GABRA1: variants seen among roughly 807,000 people sequenced by gnomAD.
The protein encoded by GABRA1 is gamma-aminobutyric acid receptor subunit alpha-1.
Under a neutral mutation model 48.9 loss-of-function variants are expected in GABRA1, and 9 were observed. The ratio of observed to expected loss-of-function variants is 0.18; its 90% CI spans 0.11 to 0.32. GABRA1 has a LOEUF of 0.32. Ranked by LOEUF, GABRA1 falls within the 10% of genes least tolerant of loss-of-function variation. GABRA1 has a pLI of 1.00. For synonymous variants in GABRA1, 210 were observed against 198.7 expected, an observed-to-expected ratio of 1.06 and a Z score of -0.48; for missense variants, 285 against 553.8, an observed-to-expected ratio of 0.51 and a Z score of 4.87.
In GABRA1 at chr5:161,899,637, T is replaced by C. The variant is rs1755527993; in HGVS notation, c.*2215T>C. 6.6e-6 allele frequency: 1 copy of C among 152,174 alleles called. No individual in the cohort carries two copies. The highest frequency in any genetic ancestry group is 1.9e-4 in the East Asian group (1 of 5,198). 9.4% of individuals were successfully genotyped at this position (152,174 alleles called of 1,614,324 possible). On this transcript the variant is annotated 3_prime_UTR_variant, in exon 10 of 10. Transcript: ENST00000393943. Reference sequence around the variant, plus strand: ...TTCTACTGTATAAATGATTGCAAAGTTTATCAAAAACAAATTATTATATGT... The same window carrying C: ...TTCTACTGTATAAATGATTGCAAAGCTTATCAAAAACAAATTATTATATGT...
chr5:161,862,247 T>C (rs1349995496), intron 3 of GABRA1, among the ~76,000 whole-genome samples: 2 of 151,968 alleles, frequency 1.3e-5, no homozygotes, highest in East Asian at 3.9e-4. Context: ...TGCACAGGGC[T>C]CTTCAGATAT....
chr5:161,892,576 G>T (rs1013784357), intron 8 of GABRA1, among the ~76,000 whole-genome samples: 2 of 152,096 alleles, frequency 1.3e-5, no homozygotes, highest in Admixed American at 1.3e-4. Flanking sequence ...CCATTACCAC[G>T]TGTCGATATT....
At chr5:161,882,432 C>A in intron 6 of GABRA1, 126 bp from the exon 7 acceptor site, 1 of 883,592 alleles carries the variant, frequency 1.1e-6, no homozygotes, top group Non-Finnish European at 1.8e-6. Context: ...GGGACATAAG[C>A]TCATCTTTCC....
intron 8 of GABRA1, 26 bp from the exon 9 acceptor site, chr5:161,895,640 A>C: frequency 6.3e-7 from 1 of 1,588,706 alleles, no homozygotes; most frequent in Non-Finnish European, 8.6e-7. Flanking sequence ...AACTGGCATC[A>C]TGTATGTTTT....
At chr5:161,876,721 A>G (rs567660871) in intron 6 of GABRA1, among the ~76,000 whole-genome samples, 8 of 152,234 alleles carry the variant, frequency 5.3e-5, no homozygotes, top group Non-Finnish European at 8.8e-5. Context: ...TTCCCAATTT[A>G]ATATACATTC....
At chr5:161,848,861 GA>G in intron 1 of GABRA1, 1 of 413,686 alleles carries the variant, frequency 2.4e-6, no homozygotes, top group Non-Finnish European at 4.8e-6. Context: ...CGCTGGGACG[GA>G]AAACCTGTCT....
intron 4 of GABRA1, among the ~76,000 whole-genome samples, chr5:161,870,164 A>G (rs1274648074): frequency 6.6e-6 from 1 of 152,160 alleles, no homozygotes; most frequent in East Asian, 1.9e-4. Context: ...TAGCAAGCGT[A>G]AAATAATTAC....
rs1202447915 is a variant in GABRA1 at position 161,897,101 on chromosome 5, C to A, written c.1060-10C>A. 4.3e-6 allele frequency: 7 copies of A among 1,613,688 alleles called. No homozygotes were observed. The highest frequency in any genetic ancestry group is 5.9e-6 in the Non-Finnish European group (7 of 1,179,674). On this transcript the variant is annotated splice_polypyrimidine_tract_variant and intron_variant, in intron 9 of 9. Coordinates refer to ENST00000393943, the MANE Select transcript of GABRA1 (RefSeq NM_001127644.2). Reference sequence around the variant, plus strand: ...TACTAAACAAAATGCATTGCTCTTTCTTTCTACAGCCAAAGAAAGTAAAGG... The same window carrying A: ...TACTAAACAAAATGCATTGCTCTTTATTTCTACAGCCAAAGAAAGTAAAGG...
At chr5:161,853,050 A>G (rs1213428955) in intron 2 of GABRA1, among the ~76,000 whole-genome samples, 2 of 151,868 alleles carry the variant, frequency 1.3e-5, no homozygotes, top group African/African-American at 4.8e-5. Context: ...CTTAGTTTAC[A>G]CCCTATATTC....
intron 8 of GABRA1, 94 bp from the exon 9 acceptor site, chr5:161,895,572 C>T (rs1408694930): frequency 9.0e-7 from 1 of 1,112,010 alleles, no homozygotes; most frequent in African/African-American, 1.5e-5. Flanking sequence ...TGTCATGATA[C>T]TGTTGATTTC....
chr5:161,875,414 T>C, intron 5 of GABRA1, 146 bp from the exon 6 acceptor site: 1 of 690,734 alleles, frequency 1.4e-6, no homozygotes, highest in Non-Finnish European at 2.6e-6. Flanking sequence ...TATTTTTAGA[T>C]CATTTGATTA....
intron 7 of GABRA1, among the ~76,000 whole-genome samples, chr5:161,889,388 G>A (rs1262716190): frequency 6.6e-6 from 1 of 152,050 alleles, no homozygotes; most frequent in Non-Finnish European, 1.5e-5. Flanking sequence ...GAGAGTTTAA[G>A]TGACTTATCA....
chr5:161,882,313 C>A, intron 6 of GABRA1: 1 of 541,720 alleles, frequency 1.8e-6, no homozygotes, highest in East Asian at 3.3e-5. Context: ...TACTGTATCC[C>A]CAGCACAGTA....
intron 8 of GABRA1, among the ~76,000 whole-genome samples, chr5:161,893,938 A>G (rs1755240922): frequency 6.6e-6 from 1 of 152,200 alleles, no homozygotes; most frequent in Non-Finnish European, 1.5e-5. Context: ...CACAAATTGT[A>G]TCTTCATGTT....
chr5:161,849,866 G>C (rs1359278067), intron 1 of GABRA1, among the ~76,000 whole-genome samples: 1 of 152,104 alleles, frequency 6.6e-6, no homozygotes, highest in Non-Finnish European at 1.5e-5. Flanking sequence ...TAAGCTTTCT[G>C]TACTCTTCCA....
intron 4 of GABRA1, chr5:161,872,224 GGCAAATACT>G (rs1388384336): frequency 6.6e-6 from 1 of 152,544 alleles, no homozygotes; most frequent in African/African-American, 2.4e-5. Context: ...GTGCCAGTGT[GGCAAATACT>G]GCAAGAAAGA....
At chr5:161,890,315 C>T (rs1561584401) in intron 7 of GABRA1, among the ~76,000 whole-genome samples, 1 of 152,032 alleles carries the variant, frequency 6.6e-6, no homozygotes, top group Non-Finnish European at 1.5e-5. Context: ...TCAAAAGTTT[C>T]CCAGGTGATC....
At chr5:161,852,210 A>G (rs1302571121) in intron 2 of GABRA1, among the ~76,000 whole-genome samples, 1 of 152,086 alleles carries the variant, frequency 6.6e-6, no homozygotes, top group Non-Finnish European at 1.5e-5. Context: ...TCTGCATTCC[A>G]ATGCAAACAA....
chr5:161,853,126 A>ATTT (rs1397924519), intron 2 of GABRA1, among the ~76,000 whole-genome samples: 1 of 151,862 alleles, frequency 6.6e-6, no homozygotes, highest in African/African-American at 2.4e-5. Context: ...ATCCATCCTA[A>ATTT]GATAGAAAAC....
Sources: allele counts gnomAD v4.1 joint callset (sites outside exome capture counted in the v4.1 genomes callset), GRCh38; gene constraint gnomAD v4.1.1; transcripts MANE v1.5; gene names NCBI Gene and HGNC (gene_info 2026-07-23, HGNC 2026-07-21).